Variants in SCN1A observed in about 807,000 individuals in gnomAD.
SCN1A encodes sodium channel protein type 1 subunit alpha.
Under a neutral mutation model 193.7 loss-of-function variants are expected in SCN1A, and 13 were observed. That is an observed-to-expected ratio of 0.07 (90% CI 0.04 to 0.11). SCN1A has a LOEUF of 0.11. Among genes scored for constraint, SCN1A ranks in the 10% least tolerant of loss-of-function variants. The pLI is 1.00. For synonymous variants in SCN1A, 781 were observed against 843.6 expected (o/e 0.93, Z 1.29); for missense variants, 1,432 against 2,451.1 (o/e 0.58, Z 8.78).
chr2:165,994,779 CA>C, intron 27 of SCN1A, among the ~76,000 whole-genome samples: 1 of 151,010 alleles, frequency 6.6e-6, no homozygotes, highest in Non-Finnish European at 1.5e-5. Context: ...ATTTTTTTTT[CA>C]AGACTTTCCA....
In SCN1A at chr2:166,042,249, T is replaced by TATGGTGAATTA. The variant is rs1574208121; in HGVS notation, c.2176+42_2176+43insTAATTCACCAT. On this transcript the variant is annotated intron_variant, in intron 15 of 28. Coordinates refer to ENST00000674923, the MANE Select transcript of SCN1A (RefSeq NM_001165963.4). ...TTTGTTTGAAATGAGACAATATAAGTTTGGTGAAAATAATTGAAACGAAAA... is the reference window on the plus strand; with the variant it reads ...TTTGTTTGAAATGAGACAATATAAGTATGGTGAATTATTGGTGAAAATAATTGAAACGAAAA... 3 of 1,590,566 alleles carry TATGGTGAATTA rather than the reference T, an allele frequency of 1.9e-6. No individual in the cohort carries two copies. In the East Asian group the frequency reaches 6.7e-5, roughly 36 times the overall value.
chr2:166,101,280 A>G (rs1287791719), intron 2 of SCN1A, among the ~76,000 whole-genome samples: 2 of 148,090 alleles, frequency 1.4e-5, no homozygotes, highest in East Asian at 2.0e-4. Context: ...AACACCGCAT[A>G]TTCTCACTCA....
At chr2:166,013,685 A>G in intron 21 of SCN1A, 59 bp downstream of exon 21, 1 of 1,467,176 alleles carries the variant, frequency 6.8e-7, no homozygotes, top group Non-Finnish European at 9.5e-7. Flanking sequence ...TTAATAAGTC[A>G]TCAGTATTAG....
chr2:166,135,926 T>C (rs1691838012), intron 1 of SCN1A, among the ~76,000 whole-genome samples: 1 of 152,182 alleles, frequency 6.6e-6, no homozygotes, highest in South Asian at 2.1e-4. Context: ...GGGATAGAGG[T>C]GCTAGGCAGC....
At chr2:166,078,152 A>G (rs1574394456) in intron 2 of SCN1A, among the ~76,000 whole-genome samples, 1 of 151,910 alleles carries the variant, frequency 6.6e-6, no homozygotes, top group South Asian at 2.1e-4. Context: ...ATTATAATGT[A>G]AACTATGGAC....
chr2:166,039,544 T>C lies in SCN1A; in HGVS notation c.2468A>G (p.Asp823Gly), dbSNP rs1035633632. 2 of 1,613,722 alleles carry C rather than the reference T, an allele frequency of 1.2e-6. No homozygotes were observed. The highest frequency in any genetic ancestry group is 3.3e-5 in the Admixed American group (2 of 59,988). ...GCCTTCTTGGAAATAATAGTAAGGA[T>C]CCATGGCAATAATTTTCAGAAACAT... is the stretch of plus-strand genomic sequence containing the variant. ...AEMFLKIIAM[D>G]PYYYFQEGWN... Residue 823 changes from aspartate (D) to glycine (G), a missense_variant, in exon 17 of 29, where the codon GAT becomes GGT. Around this residue, in one of 18 missense-constraint regions of SCN1A, gnomAD observed 93 missense variants for 260.4 expected, o/e 0.36. Coordinates refer to ENST00000674923, the MANE Select transcript of SCN1A (RefSeq NM_001165963.4).
In SCN1A at chr2:166,036,556, TA is replaced by T. The variant is rs774021273; in HGVS notation, c.2947-27del. Reference sequence around the variant, plus strand: ...CTTAAAAACAACAAAAACATGATTATAATTTTACACCAATGTAGGGAAGAGC... The same window carrying T: ...CTTAAAAACAACAAAAACATGATTATATTTTACACCAATGTAGGGAAGAGC... On this transcript the variant is annotated intron_variant, in intron 18 of 28. Coordinates refer to ENST00000674923, the MANE Select transcript of SCN1A (RefSeq NM_001165963.4). The T allele has an allele frequency of 5.0e-6, 8 of 1,609,052 alleles. No homozygotes were observed. The East Asian group carries it at 1.8e-4, about 36-fold the overall frequency.
intron 19 of SCN1A, 121 bp downstream of exon 19, chr2:166,035,924 TATC>T (rs1472220659): frequency 1.7e-5 from 16 of 931,158 alleles, no homozygotes; most frequent in Non-Finnish European, 2.5e-5. Flanking sequence ...GCTTTTGTAT[TATC>T]ATAAAGTAAA....
intron 16 of SCN1A, among the ~76,000 whole-genome samples, chr2:166,040,071 A>ACCGCGCCCGCCT (rs1696964987): frequency 6.6e-6 from 1 of 151,808 alleles, no homozygotes; most frequent in South Asian, 2.1e-4. Context: ...GGCGCCCGCC[A>ACCGCGCCCGCCT]CCACGCCCGC....
intron 14 of SCN1A, 64 bp from the exon 15 acceptor site, chr2:166,042,488 A>G: frequency 6.8e-7 from 1 of 1,479,298 alleles, no homozygotes; most frequent in Non-Finnish European, 9.4e-7. Flanking sequence ...CAAACAACCA[A>G]ATGGTGACAC....
chr2:166,109,740 G>A (rs1283470159), intron 2 of SCN1A: 1 of 152,520 alleles, frequency 6.6e-6, no homozygotes, highest in Non-Finnish European at 1.5e-5. Flanking sequence ...GAACTTAATT[G>A]GTGTTACGTC....
rs1339969149 is a variant in SCN1A at position 166,039,534 on chromosome 2, A to G, written c.2478T>C (p.Tyr826=). 1.2e-6 allele frequency: 2 copies of G among 1,614,074 alleles called. No individual in the cohort carries two copies. Among genetic ancestry groups the G allele is most frequent in the Non-Finnish European group, 1.7e-6 (2 of 1,179,966 alleles). ...AGATATTCCAGCCTTCTTGGAAATAATAGTAAGGATCCATGGCAATAATTT... is the reference window on the plus strand; with the variant it reads ...AGATATTCCAGCCTTCTTGGAAATAGTAGTAAGGATCCATGGCAATAATTT... ...FLKIIAMDPY[Y]YFQEGWNIFD... The change falls in exon 17 of 29, where the codon TAT becomes TAC. Residue 826 remains tyrosine (Y), a synonymous_variant. Coordinates refer to ENST00000674923, the MANE Select transcript of SCN1A (RefSeq NM_001165963.4).
At chr2:166,097,880 C>G (rs1687570948) in intron 2 of SCN1A, among the ~76,000 whole-genome samples, 1 of 152,184 alleles carries the variant, frequency 6.6e-6, no homozygotes, top group Non-Finnish European at 1.5e-5. Context: ...CACACCTAGC[C>G]TCTATTTGAA....
chr2:166,072,927 C>G lies in SCN1A; in HGVS notation c.264+431G>C, dbSNP rs547437311. ...TCTCGGCTCACTGCAACCTCGGCCT[C>G]CAGGGTTCAACAAGGGATTCCCCTG... On this transcript the variant is annotated intron_variant, in intron 4 of 28. Coordinates refer to ENST00000674923, the MANE Select transcript of SCN1A (RefSeq NM_001165963.4). Among the ~76,000 whole-genome samples, 7 of 151,346 alleles carry G rather than the reference C, an allele frequency of 4.6e-5. No homozygotes were observed. In the East Asian group the frequency reaches 1.4e-3, roughly 30 times the overall value.
intron 19 of SCN1A, among the ~76,000 whole-genome samples, chr2:166,030,707 C>T (rs972339779): frequency 2.0e-5 from 3 of 151,356 alleles, no homozygotes; most frequent in African/African-American, 7.3e-5. Flanking sequence ...ATAGATTTAG[C>T]GATTTGCTCA....
chr2:166,086,613 A>C (rs1333259003), intron 2 of SCN1A, among the ~76,000 whole-genome samples: 2 of 152,108 alleles, frequency 1.3e-5, no homozygotes, highest in Non-Finnish European at 2.9e-5. Flanking sequence ...TCTGGCTGGA[A>C]GTTATGCTTC....
chr2:166,015,796 A>T, intron 19 of SCN1A, 69 bp from the exon 20 acceptor site: 1 of 1,552,362 alleles, frequency 6.4e-7, no homozygotes, highest in African/African-American at 1.4e-5. Context: ...CCAAGAAAGG[A>T]TTATTACTAT....
intron 23 of SCN1A, among the ~76,000 whole-genome samples, chr2:166,006,171 G>C (rs1235086564): frequency 6.6e-6 from 1 of 151,048 alleles, no homozygotes; most frequent in Admixed American, 6.6e-5. Flanking sequence ...AAATCTATGT[G>C]AATAAAAATA....
At chr2:166,049,489 CTT>C (rs1162584941) in intron 9 of SCN1A, among the ~76,000 whole-genome samples, 3 of 151,886 alleles carry the variant, frequency 2.0e-5, no homozygotes, top group Non-Finnish European at 4.4e-5. Context: ...ATATAGGCAA[CTT>C]ATAGTAAAAT....
Sources: allele counts gnomAD v4.1 joint callset (sites outside exome capture counted in the v4.1 genomes callset), GRCh38; gene constraint gnomAD v4.1.1; regional missense constraint gnomAD v4.1.1; transcripts MANE v1.5; gene names NCBI Gene and HGNC (gene_info 2026-07-23, HGNC 2026-07-21).